CHM: variants seen among roughly 807,000 people sequenced by gnomAD.
CHM encodes CHM Rab escort protein, also known as rab proteins geranylgeranyltransferase component A 1.
CHM carries 10 observed loss-of-function variants against 49.0 expected under a neutral mutation model. The ratio of observed to expected loss-of-function variants is 0.20; its 90% CI spans 0.13 to 0.35. The LOEUF is 0.35. Ranked by LOEUF, CHM falls within the 10% of genes least tolerant of loss-of-function variation. CHM has a pLI of 1.00. For missense variants in CHM, 455 were observed against 478.4 expected (o/e 0.95, Z 0.46); for synonymous variants, 184 against 167.5 (o/e 1.10, Z -0.76).
intron 1 of CHM, among the ~76,000 whole-genome samples, chrX:86,039,353 CATG>C (rs1172071477): frequency 9.0e-6 from 1 of 110,545 alleles, no homozygotes; most frequent in Non-Finnish European, 1.9e-5. Context: ...TAAATTTTCT[CATG>C]ATGATTTTAA....
chrX:86,030,116 G>A (rs1933984123), intron 1 of CHM, among the ~76,000 whole-genome samples: 2 of 112,137 alleles, frequency 1.8e-5, no homozygotes, highest in African/African-American at 6.5e-5. Flanking sequence ...TTATTTCCAT[G>A]GCTGTGATCA....
chrX:86,008,228 C>T (rs181184017), intron 2 of CHM, among the ~76,000 whole-genome samples: 3 of 110,927 alleles, frequency 2.7e-5, no homozygotes, highest in East Asian at 5.7e-4. Context: ...GGACACAGGG[C>T]GAGGAATATC....
At chrX:85,962,756 CCTTTAT>C (rs1324902218) in intron 5 of CHM, among the ~76,000 whole-genome samples, 1 of 111,544 alleles carries the variant, frequency 9.0e-6, no homozygotes, top group African/African-American at 3.3e-5. Context: ...AGGCCATAAT[CCTTTAT>C]CTTACTGATT....
At chrX:85,966,326 G>T (rs1335285025) in intron 4 of CHM, among the ~76,000 whole-genome samples, 1 of 102,315 alleles carries the variant, frequency 9.8e-6, no homozygotes, top group Non-Finnish European at 2.0e-5. Flanking sequence ...TCCAGCCTGG[G>T]CAACAAGAGC....
intron 12 of CHM, among the ~76,000 whole-genome samples, chrX:85,887,491 T>C (rs1387864416): frequency 9.0e-6 from 1 of 111,365 alleles, no homozygotes; most frequent in African/African-American, 3.3e-5. Flanking sequence ...ATCAGCAGCA[T>C]GAAAATGAAC....
intron 12 of CHM, among the ~76,000 whole-genome samples, chrX:85,888,546 A>T (rs759672007): frequency 3.7e-4 from 41 of 111,631 alleles, no homozygotes; most frequent in African/African-American, 1.1e-3. Context: ...AAACCAACAT[A>T]GCAAGACTCT....
intron 4 of CHM, chrX:85,970,477 T>C: frequency 1.3e-6 from 1 of 749,291 alleles, no homozygotes; most frequent in Non-Finnish European, 1.6e-6. Context: ...TGTGTTTACC[T>C]GATGACTGAA....
chrX:85,944,594 G>A (rs1929302959), intron 8 of CHM, among the ~76,000 whole-genome samples: 1 of 111,583 alleles, frequency 9.0e-6, no homozygotes, highest in African/African-American at 3.3e-5. Context: ...GTAACTTTTG[G>A]CCTTCTCTAA....
At chrX:85,976,865 AACACACACAAACACACACACACAC>A (rs1931294212) in intron 4 of CHM, among the ~76,000 whole-genome samples, 1 of 71,125 alleles carries the variant, frequency 1.4e-5, no homozygotes, top group Non-Finnish European at 2.9e-5. Flanking sequence ...CTAGGGGGAA[AACACACACAAACACACACACACAC>A]ACACACACAC....
intron 1 of CHM, among the ~76,000 whole-genome samples, chrX:86,030,021 C>T (rs905458298): frequency 2.7e-5 from 3 of 112,096 alleles, no homozygotes; most frequent in East Asian, 2.8e-4. Flanking sequence ...CAGATGCCAG[C>T]TCCAATGGTG....
chrX:85,986,158 A>C (rs5923418), intron 2 of CHM, among the ~76,000 whole-genome samples: 23,006 of 110,590 alleles, frequency 0.21, 2,068 homozygotes, highest in East Asian at 0.57. Context: ...GAGAACACCC[A>C]GGTTGGGCCC....
chrX:86,025,686 AAAAG>A (rs1336819095), intron 2 of CHM, among the ~76,000 whole-genome samples: 13 of 104,102 alleles, frequency 1.2e-4, no homozygotes, highest in African/African-American at 2.5e-4. Flanking sequence ...CAAAAAAAAA[AAAAG>A]AAAGAAAGAA....
Position 85,900,708 on chromosome X carries a change from G to C in CHM, c.1351C>G (p.Gln451Glu). The change falls in exon 11 of 15, where the codon CAG becomes GAG. Residue 451 changes from glutamine to glutamate, a missense_variant and splice_region_variant. Coordinates refer to ENST00000357749, the MANE Select transcript of CHM (RefSeq NM_000390.4). Reference sequence around the variant, plus strand: ...GTAATCAGCACTGCCCTGGAGATCTGCCTGTAATGCACAAAACAGTGAAGC... The same window carrying C: ...GTAATCAGCACTGCCCTGGAGATCTCCCTGTAATGCACAAAACAGTGAAGC... ...ENMCSRVQYR[Q>E]ISRAVLITDR... 8.5e-7 allele frequency: 1 copy of C among 1,172,454 alleles called. No individual in the cohort carries two copies. Among genetic ancestry groups the C allele is most frequent in the Non-Finnish European group, 1.2e-6 (1 of 861,817 alleles).
rs1407303361 is a variant in CHM, at chrX:85,927,008, C to T, written c.1167-15670G>A. On this transcript the variant is annotated intron_variant, in intron 8 of 14. Coordinates refer to ENST00000357749, the MANE Select transcript of CHM (RefSeq NM_000390.4). ...TTCTGAAATTAACACTATGGGAATA[C>T]TAATTTGAAAAAATGGGCATTTATT... Among the ~76,000 whole-genome samples the T allele has an allele frequency of 9.0e-5, 10 of 111,352 alleles. No homozygotes were observed. In the Admixed American group the frequency reaches 9.6e-4, roughly 11 times the overall value.
chrX:85,869,951 CACAA>C (rs1395421782), intron 14 of CHM, among the ~76,000 whole-genome samples: 2 of 112,269 alleles, frequency 1.8e-5, no homozygotes, highest in Non-Finnish European at 3.8e-5. Context: ...CATACATCAA[CACAA>C]ACAAAATTAA....
intron 11 of CHM, among the ~76,000 whole-genome samples, chrX:85,898,335 G>A (rs1160672853): frequency 9.0e-6 from 1 of 111,032 alleles, no homozygotes; most frequent in Non-Finnish European, 1.9e-5. Flanking sequence ...TGGTTTCAAC[G>A]TGTCTCCCAT....
At chrX:85,905,514 A>G (rs1006984800) in intron 9 of CHM, among the ~76,000 whole-genome samples, 5 of 112,006 alleles carry the variant, frequency 4.5e-5, no homozygotes, top group African/African-American at 1.6e-4. Context: ...AGCAAAGTCC[A>G]GTGATAAAAG....
intron 8 of CHM, among the ~76,000 whole-genome samples, chrX:85,953,749 T>G (rs1929869997): frequency 8.9e-6 from 1 of 111,760 alleles, no homozygotes. Flanking sequence ...ACCCCTATCT[T>G]TTGCAGTATA....
chrX:85,918,944 C>A (rs190674709), intron 8 of CHM, among the ~76,000 whole-genome samples: 2 of 111,281 alleles, frequency 1.8e-5, no homozygotes, highest in Non-Finnish European at 3.8e-5. Flanking sequence ...ACTTCAACAC[C>A]CCACTGATGG....
Sources: gnomAD v4.1 joint callset for allele counts (sites outside exome capture counted in the v4.1 genomes callset) on GRCh38, gnomAD v4.1.1 for gene constraint, MANE v1.5 for transcripts, NCBI Gene and HGNC (gene_info 2026-07-23, HGNC 2026-07-21) for gene names.